The following SLC22A13 variants were observed in gnomAD, a reference collection of about 807,000 sequenced individuals.
SLC22A13 encodes solute carrier family 22 member 13, also known as organic anion transporter 10.
A neutral mutation model predicts 49.1 loss-of-function variants in SLC22A13; 42 were observed. The observed-to-expected ratio is 0.85, with a 90% CI of 0.67 to 1.11. The LOEUF is 1.11. Among genes scored for constraint, SLC22A13 ranks in the 50% least tolerant of loss-of-function variants. SLC22A13 has a pLI of 0.00. For missense variants in SLC22A13, 694 were observed against 712.8 expected (o/e 0.97, Z 0.30); for synonymous variants, 282 against 293.1 (o/e 0.96, Z 0.39).
Position 38,275,450 on chromosome 3 carries a change from C to T in SLC22A13, c.887C>T (p.Ser296Leu), listed in dbSNP as rs200635939. The change falls in exon 5 of 10, where the codon TCG becomes TTG. Residue 296 changes from serine (S) to leucine (L), a missense_variant. Transcript: ENST00000311856. ...EAIQLIQKAASVNRRKLSPEL... is the reference protein window; with the variant it reads ...EAIQLIQKAALVNRRKLSPEL... ...ATACAACTGATCCAGAAGGCGGCCT[C>T]GGTCAATAGGCGGAAACTCTCCCCG... 2.9e-5 allele frequency: 47 copies of T among 1,614,082 alleles called. No individual in the cohort carries two copies. Among genetic ancestry groups the T allele is most frequent in the Non-Finnish European group, 3.4e-5 (40 of 1,180,044 alleles).
chr3:38,275,913 A>G lies in SLC22A13; in HGVS notation c.1054A>G (p.Ser352Gly), dbSNP rs184757147. Residue 352 changes from serine to glycine, a missense_variant, in exon 7 of 10, where the codon AGC (serine) becomes GGC (glycine). Transcript: ENST00000311856. Reference sequence around the variant, plus strand: ...GGACAGTCTGGGGTACTACGGCCTGAGCCTCCAAGTGGGGGACTTCGGCCT... The same window carrying G: ...GGACAGTCTGGGGTACTACGGCCTGGGCCTCCAAGTGGGGGACTTCGGCCT... The part of the protein sequence containing the change: ...FVDSLGYYGL[S>G]LQVGDFGLDV... 1.2e-6 allele frequency: 2 copies of G among 1,614,192 alleles called. No individual in the cohort carries two copies. Among genetic ancestry groups the G allele is most frequent in the South Asian group, 1.1e-5 (1 of 91,086 alleles).
At chr3:38,276,783 C>G in intron 8 of SLC22A13, 129 bp from the exon 9 acceptor site, 1 of 770,184 alleles carries the variant, frequency 1.3e-6, no homozygotes, top group East Asian at 2.7e-5. Context: ...GGAACGCTGG[C>G]TGGGCTGGGT....
intron 1 of SLC22A13, among the ~76,000 whole-genome samples, chr3:38,272,019 ACCAC>A (rs1703528216): frequency 6.6e-6 from 1 of 152,132 alleles, no homozygotes; most frequent in Non-Finnish European, 1.5e-5. Flanking sequence ...CTTCATCTCT[ACCAC>A]CTGCAACATG....
rs995234217 is a variant in SLC22A13 at position 38,277,655 on chromosome 3, G to C, written c.*190G>C. ...GACTGGGAACCACCATCTGAGACAG[G>C]ACCTCCCGGCCTCCTTCACCTTTCT... On this transcript the variant is annotated 3_prime_UTR_variant, in exon 10 of 10. Transcript: ENST00000311856. 2.1e-5 allele frequency: 11 copies of C among 526,318 alleles called. No individual in the cohort carries two copies. Among genetic ancestry groups the C allele is most frequent in the Non-Finnish European group, 3.7e-5 (11 of 293,984 alleles). 32.6% of individuals were successfully genotyped at this position (526,318 alleles called of 1,614,324 possible).
At position 38,278,504 on chromosome 3, in the gene SLC22A13, T is replaced by C. The variant is rs1703612245; in HGVS notation, c.*1039T>C. On this transcript the variant is annotated 3_prime_UTR_variant, in exon 10 of 10. Coordinates refer to ENST00000311856, the MANE Select transcript of SLC22A13 (RefSeq NM_004256.4). ...TTGCTCCTACAACCTGTCCTACAGCTGGCAGCCCCTGACCCAACCAAGATG... is the reference window on the plus strand; with the variant it reads ...TTGCTCCTACAACCTGTCCTACAGCCGGCAGCCCCTGACCCAACCAAGATG... 6.6e-6 allele frequency among the ~76,000 whole-genome samples: 1 copy of C among 152,118 alleles called. No individual in the cohort carries two copies. Among genetic ancestry groups the C allele is most frequent in the Non-Finnish European group, 1.5e-5 (1 of 68,008 alleles).
chr3:38,274,525 G>A, intron 2 of SLC22A13, 79 bp from the exon 3 acceptor site: 6 of 1,534,406 alleles, frequency 3.9e-6, no homozygotes, highest in Non-Finnish European at 5.4e-6. Flanking sequence ...CCCCAGGACA[G>A]GGCTGGGCCC....
At position 38,275,389 on chromosome 3, in the gene SLC22A13, C is replaced by T. The variant is rs535539032; in HGVS notation, c.826C>T (p.Arg276Cys). 12 of 1,614,074 alleles carry T rather than the reference C, an allele frequency of 7.4e-6. No individual in the cohort carries two copies. The highest frequency in any genetic ancestry group is 2.2e-5 in the East Asian group (1 of 44,896). Residue 276 changes from arginine (R) to cysteine (C), a missense_variant, in exon 5 of 10, where the codon CGT becomes TGT. Arg to Cys is a radical substitution (Grantham distance 180). Transcript: ENST00000311856. The part of the protein sequence containing the change: ...FYFWALPESA[R>C]WLLTRGRMDE... The stretch of plus-strand genomic sequence containing the variant: ...CCACAGGGCTCTGCCAGAATCTGCA[C>T]GTTGGCTCCTGACCCGTGGGAGGAT...
At chr3:38,277,171 T>C in intron 9 of SLC22A13, 44 bp downstream of exon 9, 1 of 1,447,182 alleles carries the variant, frequency 6.9e-7, no homozygotes, top group Non-Finnish European at 9.5e-7. Context: ...GGGTCTCACA[T>C]TGGCCACGCA....
rs776258948 is a variant in SLC22A13, at chr3:38,265,935, G to A, written c.75G>A (p.Leu25=). The A allele has an allele frequency of 6.2e-7, 1 of 1,614,170 alleles. No homozygotes were observed. The highest frequency in any genetic ancestry group is 1.1e-5 in the South Asian group (1 of 91,082). The change falls in exon 1 of 10, where the codon CTG becomes CTA. Residue 25 remains leucine, a synonymous_variant. Transcript: ENST00000311856. ...GRFQIQLLIL[L]CVLNFLSPFY... Reference sequence around the variant, plus strand: ...TCCAGATACAGCTATTGATCCTGCTGTGTGTTCTCAACTTCCTGTCTCCCT... The same window carrying A: ...TCCAGATACAGCTATTGATCCTGCTATGTGTTCTCAACTTCCTGTCTCCCT...
At chr3:38,276,845 T>A (rs1703590083) in intron 8 of SLC22A13, 67 bp from the exon 9 acceptor site, 1 of 1,395,590 alleles carries the variant, frequency 7.2e-7, no homozygotes, top group Non-Finnish European at 1.0e-6. Context: ...CGAGGAAATA[T>A]ACTAGGGTGA....
chr3:38,277,083 C>A lies in SLC22A13; in HGVS notation c.1518C>A (p.Gly506=). 1 of 1,580,688 alleles carries A rather than the reference C, an allele frequency of 6.3e-7. No individual in the cohort carries two copies. The highest frequency in any genetic ancestry group is 8.6e-7 in the Non-Finnish European group (1 of 1,163,188). ...TGCTGCCAGAGACGCATGGCCAGGG[C>A]CTGAAAGACACCCTCCAGGACCTGG... is the stretch of plus-strand genomic sequence containing the variant. ...CTLLPETHGQ[G]LKDTLQDLEL... is the part of the protein sequence containing the mutation. Residue 506 remains glycine, a synonymous_variant, in exon 9 of 10, where the codon GGC becomes GGA. Coordinates refer to ENST00000311856, the MANE Select transcript of SLC22A13 (RefSeq NM_004256.4).
At chr3:38,275,226 C>A in intron 4 of SLC22A13, 69 bp downstream of exon 4, 1 of 1,593,710 alleles carries the variant, frequency 6.3e-7, no homozygotes, top group Non-Finnish European at 8.6e-7. Context: ...TGCAGTGCAG[C>A]ACCCATGTTC....
intron 6 of SLC22A13, 80 bp downstream of exon 6, chr3:38,275,752 C>T: frequency 6.6e-7 from 1 of 1,508,842 alleles, no homozygotes; most frequent in Non-Finnish European, 9.1e-7. Flanking sequence ...GGGCTGGTGG[C>T]TGTTTGGCTG....
At chr3:38,272,301 A>C (rs919889136) in intron 1 of SLC22A13, among the ~76,000 whole-genome samples, 1 of 152,270 alleles carries the variant, frequency 6.6e-6, no homozygotes, top group Admixed American at 6.5e-5. Context: ...TTGTGAGCAC[A>C]GAGGCCAGCA....
At chr3:38,277,288 C>A in intron 9 of SLC22A13, 84 bp from the exon 10 acceptor site, 1 of 1,217,278 alleles carries the variant, frequency 8.2e-7, no homozygotes, top group East Asian at 2.3e-5. Flanking sequence ...TTCAGATTCC[C>A]CTTACTTTGA....
At chr3:38,275,251 G>A in intron 4 of SLC22A13, 94 bp downstream of exon 4, 8 of 1,589,922 alleles carry the variant, frequency 5.0e-6, no homozygotes, top group Non-Finnish European at 6.9e-6. Flanking sequence ...GACAGTCAGA[G>A]GTGAGTCTGG....
intron 1 of SLC22A13, among the ~76,000 whole-genome samples, chr3:38,269,667 C>T (rs998704743): frequency 6.6e-6 from 1 of 152,090 alleles, no homozygotes; most frequent in Middle Eastern, 3.2e-3. Flanking sequence ...GCCTGAGGCT[C>T]TCTCTTCTTT....
At chr3:38,272,580 G>A (rs1703533571) in intron 1 of SLC22A13, among the ~76,000 whole-genome samples, 1 of 152,202 alleles carries the variant, frequency 6.6e-6, no homozygotes, top group South Asian at 2.1e-4. Flanking sequence ...AAGGCAATCT[G>A]TGGCTGCTAG....
chr3:38,274,470 G>A, intron 2 of SLC22A13, 95 bp downstream of exon 2: 1 of 1,425,738 alleles, frequency 7.0e-7, no homozygotes, highest in Non-Finnish European at 9.9e-7. Flanking sequence ...TGGCCTTTAG[G>A]CAAGGCCCTC....
Sources: gnomAD v4.1 joint callset for allele counts (sites outside exome capture counted in the v4.1 genomes callset) on GRCh38, gnomAD v4.1.1 for gene constraint, MANE v1.5 for transcripts, NCBI Gene and HGNC (gene_info 2026-07-23, HGNC 2026-07-21) for gene names.